The following RANBP3 variants were observed in gnomAD, a reference collection of about 807,000 sequenced individuals.
RANBP3 encodes RAN binding protein 3.
A neutral mutation model predicts 77.3 loss-of-function variants in RANBP3; 14 were observed. The observed-to-expected ratio is 0.18, with a 90% CI of 0.12 to 0.28. RANBP3 has a LOEUF of 0.28. Ranked by LOEUF, RANBP3 falls within the 10% of genes least tolerant of loss-of-function variation. RANBP3 has a pLI of 1.00. For synonymous variants in RANBP3, 315 were observed against 312.4 expected (o/e 1.01, Z -0.09); for missense variants, 586 against 752.3 (o/e 0.78, Z 2.59).
chr19:5,975,470 T>C (rs1275732927), intron 1 of RANBP3, among the ~76,000 whole-genome samples: 1 of 151,918 alleles, frequency 6.6e-6, no homozygotes, highest in East Asian at 1.9e-4. Context: ...TCAAATGTAT[T>C]CCTCACAACA....
chr19:5,931,654 CAT>C (rs1258612565), intron 7 of RANBP3, 123 bp from the exon 8 acceptor site: 3 of 1,023,320 alleles, frequency 2.9e-6, no homozygotes, highest in Non-Finnish European at 4.0e-6. Context: ...GCCCACAGCA[CAT>C]GTCTCCTTTT....
intron 1 of RANBP3, among the ~76,000 whole-genome samples, chr19:5,965,111 A>AG (rs1555765377): frequency 6.6e-6 from 1 of 151,326 alleles, no homozygotes; most frequent in Non-Finnish European, 1.5e-5. Flanking sequence ...TTCTCCTTGC[A>AG]GGGGGCAGTA....
Position 5,951,540 on chromosome 19 carries a change from A to G in RANBP3, c.135T>C (p.Ala45=), listed in dbSNP as rs2058275841. The G allele has an allele frequency of 1.2e-6, 2 of 1,612,764 alleles. No homozygotes were observed. The highest frequency in any genetic ancestry group is 1.7e-6 in the Non-Finnish European group (2 of 1,179,314). The part of the protein sequence containing the change: ...SDSGEEPRGE[A]EAPHHGTGHP... ...GACCCGTGCCATGGTGGGGGGCCTC[A>G]GCCTCCCCCCGAGGCTCCTCTCCCG... is the stretch of plus-strand genomic sequence containing the variant. The change falls in exon 3 of 17, where the codon GCT becomes GCC. Residue 45 remains alanine, a synonymous_variant. Coordinates refer to ENST00000340578, the MANE Select transcript of RANBP3 (RefSeq NM_007322.3).
chr19:5,956,631 G>A (rs1392563850), intron 2 of RANBP3, among the ~76,000 whole-genome samples: 1 of 152,132 alleles, frequency 6.6e-6, no homozygotes, highest in African/African-American at 2.4e-5. Flanking sequence ...GGTGTGCTGG[G>A]GGAGGTTTAG....
chr19:5,951,659 G>T, intron 2 of RANBP3, 63 bp from the exon 3 acceptor site: 1 of 1,461,870 alleles, frequency 6.8e-7, no homozygotes, highest in Non-Finnish European at 9.4e-7. Flanking sequence ...CAGCAGGAAG[G>T]GCGGGCAGGG....
Position 5,917,176 on chromosome 19 carries a change from C to G in RANBP3, c.*434G>C. 1 of 249,760 alleles carries G rather than the reference C, an allele frequency of 4.0e-6. No homozygotes were observed. The highest frequency in any genetic ancestry group is 4.4e-5 in the South Asian group (1 of 22,496). The allele number at this position is 249,760 out of a possible 1,614,324, so 15.5% of individuals were successfully genotyped here. Reference sequence around the variant, plus strand: ...AGGCCTATAGTTGGGGAGCCCTGGGCAGGGGCAGAGGGCTGGCTGCTCCCC... The same window carrying G: ...AGGCCTATAGTTGGGGAGCCCTGGGGAGGGGCAGAGGGCTGGCTGCTCCCC... On this transcript the variant is annotated 3_prime_UTR_variant, in exon 17 of 17. Coordinates refer to ENST00000340578, the MANE Select transcript of RANBP3 (RefSeq NM_007322.3).
intron 3 of RANBP3, among the ~76,000 whole-genome samples, chr19:5,949,163 G>A (rs1292049084): frequency 6.6e-6 from 1 of 152,142 alleles, no homozygotes; most frequent in Non-Finnish European, 1.5e-5. Flanking sequence ...AGACCTGCCG[G>A]GTAACATGGG....
At chr19:5,967,658 C>T (rs376464160) in intron 1 of RANBP3, among the ~76,000 whole-genome samples, 2 of 152,188 alleles carry the variant, frequency 1.3e-5, no homozygotes, top group East Asian at 1.9e-4. Flanking sequence ...CCGTAAGCCC[C>T]GGGGGGCAGA....
intron 1 of RANBP3, among the ~76,000 whole-genome samples, chr19:5,967,317 T>C (rs2058479384): frequency 6.6e-6 from 1 of 152,354 alleles, no homozygotes; most frequent in East Asian, 1.9e-4. Flanking sequence ...CTACATTTTA[T>C]GTACTTCTTT....
Position 5,924,285 on chromosome 19 carries a change from C to T in RANBP3, c.997-371G>A, listed in dbSNP as rs2057870824. Among the ~76,000 whole-genome samples the T allele has an allele frequency of 6.6e-6, 1 of 152,246 alleles. No individual in the cohort carries two copies. The highest frequency in any genetic ancestry group is 2.4e-5 in the African/African-American group (1 of 41,458). On this transcript the variant is annotated intron_variant, in intron 11 of 16. Transcript: ENST00000340578. The surrounding 1 kb of genome is among the most constrained non-coding windows in gnomAD (Gnocchi z 4.7). Reference sequence around the variant, plus strand: ...CCAGGCGGCTCAGGACAGGCCCTCACGCAGTCGCAATGGAGCTGGGTGGAA... The same window carrying T: ...CCAGGCGGCTCAGGACAGGCCCTCATGCAGTCGCAATGGAGCTGGGTGGAA...
chr19:5,943,091 T>C (rs2058160083), intron 3 of RANBP3, among the ~76,000 whole-genome samples: 4 of 152,206 alleles, frequency 2.6e-5, no homozygotes, highest in Non-Finnish European at 4.4e-5. Flanking sequence ...CCCTCATTTA[T>C]GTCCTGTCTC....
In RANBP3 at chr19:5,924,427, C is replaced by T. The variant is rs1026039064; in HGVS notation, c.996+400G>A. On this transcript the variant is annotated intron_variant, in intron 11 of 16. Coordinates refer to ENST00000340578, the MANE Select transcript of RANBP3 (RefSeq NM_007322.3). This position sits in a 1 kb window ranked among gnomAD's most constrained non-coding sequence, Gnocchi z 4.7. ...CCTTTCGTGCACCCAAGGCCTTGGC[C>T]GCGGTTATGCTCACAGGAGCAGGGA... Among the ~76,000 whole-genome samples the T allele has an allele frequency of 5.9e-5, 9 of 152,248 alleles. No individual in the cohort carries two copies. Among genetic ancestry groups the T allele is most frequent in the South Asian group, 2.1e-4 (1 of 4,836 alleles).
chr19:5,918,841 C>T (rs552997602), intron 14 of RANBP3, among the ~76,000 whole-genome samples: 67 of 152,358 alleles, frequency 4.4e-4, no homozygotes, highest in African/African-American at 1.4e-3. Flanking sequence ...TCCTCCTCCC[C>T]AAGCCTGGAC....
At chr19:5,937,366 G>A (rs1418367669) in intron 5 of RANBP3, among the ~76,000 whole-genome samples, 1 of 152,132 alleles carries the variant, frequency 6.6e-6, no homozygotes, top group Non-Finnish European at 1.5e-5. Context: ...CCACACCTGG[G>A]TCTCACCACC....
intron 12 of RANBP3, 34 bp from the exon 13 acceptor site, chr19:5,923,337 T>C: frequency 6.3e-7 from 1 of 1,593,396 alleles, no homozygotes; most frequent in Non-Finnish European, 8.6e-7. Context: ...ACTGACTGAT[T>C]ATTTGGCGAG....
At chr19:5,961,243 A>C (rs1294859052) in intron 1 of RANBP3, among the ~76,000 whole-genome samples, 1 of 150,710 alleles carries the variant, frequency 6.6e-6, no homozygotes, top group Admixed American at 6.6e-5. Context: ...GGAGATTGAG[A>C]CCATCCTGGC....
intron 1 of RANBP3, among the ~76,000 whole-genome samples, chr19:5,968,125 G>A (rs576845852): frequency 6.6e-6 from 1 of 152,230 alleles, no homozygotes; most frequent in African/African-American, 2.4e-5. Context: ...CACCAACACA[G>A]CTGAGGCAAC....
intron 3 of RANBP3, among the ~76,000 whole-genome samples, chr19:5,947,389 G>A (rs2058220145): frequency 6.6e-6 from 1 of 151,780 alleles, no homozygotes; most frequent in African/African-American, 2.4e-5. Context: ...CCGAAGACTC[G>A]AGCTTAGTGG....
intron 1 of RANBP3, among the ~76,000 whole-genome samples, chr19:5,963,962 G>T (rs2058433870): frequency 6.6e-6 from 1 of 152,156 alleles, no homozygotes; most frequent in Non-Finnish European, 1.5e-5. Context: ...CACAGACCCA[G>T]GCCAGGGAGA....
Sources: allele counts gnomAD v4.1 joint callset (sites outside exome capture counted in the v4.1 genomes callset), GRCh38; gene constraint gnomAD v4.1.1; non-coding constraint Gnocchi (gnomAD v3.1); transcripts MANE v1.5; gene names NCBI Gene and HGNC (gene_info 2026-07-23, HGNC 2026-07-21).